ACMSD: variants seen among roughly 807,000 people sequenced by gnomAD.
The protein encoded by ACMSD is 2-amino-3-carboxymuconate-6-semialdehyde decarboxylase.
In ACMSD, 37 loss-of-function variants were observed where a neutral mutation model predicts 45.9. The observed-to-expected ratio is 0.81, with a 90% confidence interval of 0.62 to 1.06. The LOEUF (loss-of-function observed/expected upper bound fraction) is 1.06. Ranked by LOEUF, ACMSD falls within the 50% of genes least tolerant of loss-of-function variation. The pLI is 0.00. For synonymous variants in ACMSD, 138 were observed against 148.8 expected, an observed-to-expected ratio of 0.93 and a Z score of 0.53; for missense variants, 434 against 420.9, an observed-to-expected ratio of 1.03 and a Z score of -0.27.
chr2:134,853,035 C>T (rs1051456313), intron 2 of ACMSD, among the ~76,000 whole-genome samples: 5 of 151,634 alleles, frequency 3.3e-5, no homozygotes, highest in East Asian at 1.9e-4. Flanking sequence ...TGGTGGCACG[C>T]GCCTGTAATC....
At chr2:134,845,192 T>A in intron 1 of ACMSD, 41 bp from the exon 2 acceptor site, 4 of 1,613,334 alleles carry the variant, frequency 2.5e-6, no homozygotes, top group Non-Finnish European at 3.4e-6. Context: ...TGCAGCCTGG[T>A]CTTTGCTCTT....
rs116839095 is a variant in ACMSD at position 134,862,585 on chromosome 2, G to A, written c.249+567G>A. On this transcript the variant is annotated intron_variant, in intron 4 of 9. Coordinates refer to ENST00000356140, the MANE Select transcript of ACMSD (RefSeq NM_138326.3). ...CTCATCCAAGCAGATACTCACTCTC[G>A]TGATTTAAGGAGCAGTGGAAATATC... 2.5e-3 allele frequency among the ~76,000 whole-genome samples: 384 copies of A among 152,244 alleles called. 1 individual carries two copies. The highest frequency in any genetic ancestry group is 8.7e-3 in the African/African-American group (363 of 41,538).
chr2:134,897,010 TGTGGTTATATAA>T lies in ACMSD; in HGVS notation c.850-1329_850-1318del, dbSNP rs149279456. ...GTTTATTTTGGAGGTGACAAAAATCTGTGGTTATATAAGATGAAAAAAATTTTTTTAAACATT... is the reference window on the plus strand; with the variant it reads ...GTTTATTTTGGAGGTGACAAAAATCTGATGAAAAAAATTTTTTTAAACATT... On this transcript the variant is annotated intron_variant, in intron 8 of 9. Transcript: ENST00000356140. Among the ~76,000 whole-genome samples the T allele has an allele frequency of 0.02, 3,052 of 152,210 alleles. 222 individuals carry two copies. The East Asian group carries it at 0.29, about 14-fold the overall frequency.
In ACMSD at chr2:134,872,631, T is replaced by C. The variant is rs2104887857; in HGVS notation, c.839T>C (p.Val280Ala). 1 of 1,614,196 alleles carries C rather than the reference T, an allele frequency of 6.2e-7. No homozygotes were observed. Among genetic ancestry groups the C allele is most frequent in the South Asian group, 1.1e-5 (1 of 91,088 alleles). Residue 280 changes from valine (V) to alanine (A), a missense_variant, in exon 8 of 10, where the codon GTC (valine) becomes GCC (alanine). By Grantham distance (64) the Val-to-Ala change is moderately conservative. Coordinates refer to ENST00000356140, the MANE Select transcript of ACMSD (RefSeq NM_138326.3). Reference sequence around the variant, plus strand: ...CTGTCCCTCAAGCTGTTAACAGATGTCATAGGAAAGGTAAGCCCAGTCTGC... The same window carrying C: ...CTGTCCCTCAAGCTGTTAACAGATGCCATAGGAAAGGTAAGCCCAGTCTGC... Reference protein sequence around the residue: ...DPLSLKLLTDVIGKDKVILGT... With the variant: ...DPLSLKLLTDAIGKDKVILGT...
At chr2:134,840,221 T>C (rs1488094150) in intron 1 of ACMSD, among the ~76,000 whole-genome samples, 4 of 141,412 alleles carry the variant, frequency 2.8e-5, no homozygotes, top group African/African-American at 8.1e-5. Flanking sequence ...ACAGCTTTTT[T>C]CTCTATTTGA....
chr2:134,840,020 T>C (rs1300644536), intron 1 of ACMSD, among the ~76,000 whole-genome samples: 2 of 151,922 alleles, frequency 1.3e-5, no homozygotes, highest in East Asian at 3.9e-4. Flanking sequence ...TTTATGAGTA[T>C]TTGCCTGATG....
intron 8 of ACMSD, among the ~76,000 whole-genome samples, chr2:134,892,124 T>C (rs1689822041): frequency 6.6e-6 from 1 of 152,002 alleles, no homozygotes; most frequent in African/African-American, 2.4e-5. Flanking sequence ...ACTTACTGAG[T>C]GCTATGTACA....
At chr2:134,859,423 C>G (rs1687744586) in intron 3 of ACMSD, 66 bp downstream of exon 3, 4 of 1,497,224 alleles carry the variant, frequency 2.7e-6, no homozygotes, top group Admixed American at 1.7e-5. Flanking sequence ...TTAAAGTTTG[C>G]TGACAACTTT....
intron 6 of ACMSD, among the ~76,000 whole-genome samples, chr2:134,869,546 C>T (rs1688315831): frequency 6.6e-6 from 1 of 152,064 alleles, no homozygotes; most frequent in South Asian, 2.1e-4. Flanking sequence ...AGGAGAGCAT[C>T]TGCATATAGA....
At chr2:134,899,161 A>C (rs546422364) in intron 9 of ACMSD, among the ~76,000 whole-genome samples, 2 of 152,300 alleles carry the variant, frequency 1.3e-5, no homozygotes, top group African/African-American at 4.8e-5. Context: ...TTTTAGTTGT[A>C]ATCCTTTTGC....
chr2:134,859,138 C>A, intron 2 of ACMSD, 123 bp from the exon 3 acceptor site: 1 of 793,796 alleles, frequency 1.3e-6, no homozygotes, highest in Non-Finnish European at 2.0e-6. Context: ...ATTTCTACTT[C>A]CACAAGGATT....
At chr2:134,882,687 A>G (rs1416025253) in intron 8 of ACMSD, among the ~76,000 whole-genome samples, 1 of 152,224 alleles carries the variant, frequency 6.6e-6, no homozygotes, top group Non-Finnish European at 1.5e-5. Context: ...GGATTAAGTT[A>G]TGTTATAACA....
intron 4 of ACMSD, among the ~76,000 whole-genome samples, chr2:134,862,542 G>A (rs1687893516): frequency 1.3e-5 from 2 of 152,126 alleles, no homozygotes; most frequent in South Asian, 4.1e-4. Flanking sequence ...TACGTAGCCG[G>A]GAATGTGCTA....
At chr2:134,869,902 A>G (rs1196748286) in intron 6 of ACMSD, among the ~76,000 whole-genome samples, 2 of 152,220 alleles carry the variant, frequency 1.3e-5, no homozygotes, top group Admixed American at 1.3e-4. Context: ...ATGGGAAAGT[A>G]GAGTCACAGA....
At chr2:134,852,068 C>T (rs147333766) in intron 2 of ACMSD, among the ~76,000 whole-genome samples, 12 of 152,128 alleles carry the variant, frequency 7.9e-5, no homozygotes, top group Non-Finnish European at 1.2e-4. Flanking sequence ...AGAAAACAAA[C>T]GGCACACTTA....
chr2:134,883,311 G>C (rs1009193812), intron 8 of ACMSD, among the ~76,000 whole-genome samples: 1 of 151,962 alleles, frequency 6.6e-6, no homozygotes, highest in African/African-American at 2.4e-5. Flanking sequence ...GCCAAGATCA[G>C]ATATGTTATT....
chr2:134,862,089 T>C, intron 4 of ACMSD, 71 bp downstream of exon 4: 1 of 1,564,952 alleles, frequency 6.4e-7, no homozygotes, highest in Non-Finnish European at 8.8e-7. Flanking sequence ...AGTGAACAGA[T>C]GCCTCAAGTT....
intron 8 of ACMSD, among the ~76,000 whole-genome samples, chr2:134,878,981 A>G (rs1021877048): frequency 6.6e-6 from 1 of 152,174 alleles, no homozygotes; most frequent in African/African-American, 2.4e-5. Flanking sequence ...TGTTTGACTG[A>G]ATGGCTTTTT....
chr2:134,862,661 G>C (rs1337668907), intron 4 of ACMSD, among the ~76,000 whole-genome samples: 3 of 152,182 alleles, frequency 2.0e-5, no homozygotes, highest in Non-Finnish European at 4.4e-5. Context: ...CAGTATTAGT[G>C]AGTGACTCAG....
Sources: gnomAD v4.1 joint callset for allele counts (sites outside exome capture counted in the v4.1 genomes callset) on GRCh38, gnomAD v4.1.1 for gene constraint, MANE v1.5 for transcripts, NCBI Gene and HGNC (gene_info 2026-07-23, HGNC 2026-07-21) for gene names.